The following PTK2 variants were observed in gnomAD, a reference collection of about 807,000 sequenced individuals.
PTK2 encodes focal adhesion kinase 1.
A neutral mutation model predicts 150.1 loss-of-function variants in PTK2; 45 were observed. The observed-to-expected ratio is 0.30, with a 90% CI of 0.24 to 0.38. PTK2 has a LOEUF of 0.38. Ranked by LOEUF, PTK2 falls within the 10% of genes least tolerant of loss-of-function variation. PTK2 has a pLI of 1.00. For missense variants in PTK2, 919 were observed against 1,307.3 expected (o/e 0.70, Z 4.58); for synonymous variants, 432 against 449.2 (o/e 0.96, Z 0.48).
chr8:140,712,256 T>C (rs955421236), intron 23 of PTK2, among the ~76,000 whole-genome samples: 1 of 151,802 alleles, frequency 6.6e-6, no homozygotes, highest in African/African-American at 2.4e-5. Flanking sequence ...AGGACACATG[T>C]ACATCTACAC....
chr8:140,664,748 G>A (rs2087533807), intron 31 of PTK2, among the ~76,000 whole-genome samples, 169 bp downstream of exon 35: 1 of 152,166 alleles, frequency 6.6e-6, no homozygotes, highest in Non-Finnish European at 1.5e-5. Flanking sequence ...AGAATGAACA[G>A]CCCCGTCCTG....
At chr8:140,919,224 T>A (rs533938379) in intron 2 of PTK2, among the ~76,000 whole-genome samples, 1 of 152,338 alleles carries the variant, frequency 6.6e-6, no homozygotes, top group Admixed American at 6.5e-5. Context: ...CCTTTTCCCA[T>A]CTTTTATACG....
chr8:140,997,108 G>A (rs1050628018), intron 1 of PTK2, among the ~76,000 whole-genome samples: 17 of 152,204 alleles, frequency 1.1e-4, no homozygotes, highest in Admixed American at 3.3e-4. Context: ...AGGGATTCAC[G>A]ACTTCAGTAG....
At chr8:140,735,775 A>C (rs2100052244) in intron 21 of PTK2, among the ~76,000 whole-genome samples, 1 of 152,192 alleles carries the variant, frequency 6.6e-6, no homozygotes, top group Admixed American at 6.5e-5. Flanking sequence ...TAGTTCAAAA[A>C]ATGCTGAATT....
At chr8:140,829,096 T>C (rs1347096066) in intron 8 of PTK2, among the ~76,000 whole-genome samples, 1 of 152,180 alleles carries the variant, frequency 6.6e-6, no homozygotes, top group East Asian at 1.9e-4. Context: ...TCAGGAAACT[T>C]GAATGAACAC....
At chr8:140,886,092 T>A (rs1271291739) in intron 3 of PTK2, among the ~76,000 whole-genome samples, 2 of 152,164 alleles carry the variant, frequency 1.3e-5, no homozygotes, top group Non-Finnish European at 2.9e-5. Flanking sequence ...AGGTTCTGGA[T>A]ATATTTTTGA....
At chr8:140,821,697 GA>G (rs1230073658) in intron 8 of PTK2, 1 of 152,264 alleles carries the variant, frequency 6.6e-6, no homozygotes, top group East Asian at 1.9e-4. Flanking sequence ...AGACAAAAGA[GA>G]AGGCCAAAGC....
At position 140,732,433 on chromosome 8, in the gene PTK2, T is replaced by A. The variant is rs528036715; in HGVS notation, c.2030+2818A>T. ...ATATGTATTGGATACTTTTTGGAGA[T>A]AATTTACCTCAGTGGAGCATTCCTT... On this transcript the variant is annotated intron_variant, in intron 22 of 31. Transcript: ENST00000522684. 1.1e-4 allele frequency: 45 copies of A among 424,696 alleles called. 1 individual carries two copies. The Admixed American group carries it at 1.4e-3, about 13-fold the overall frequency. 26.3% of individuals were successfully genotyped at this position (424,696 alleles called of 1,614,324 possible). A position where few individuals can be genotyped will look rare whatever the true frequency, so the allele number is the denominator to read the frequency against.
Position 140,917,085 on chromosome 8 carries a change from A to G in PTK2, c.-33+8576T>C, listed in dbSNP as rs528454531. Among the ~76,000 whole-genome samples the G allele has an allele frequency of 1.2e-4, 19 of 152,314 alleles. No homozygotes were observed. The South Asian group carries it at 3.7e-3, about 30-fold the overall frequency. The stretch of plus-strand genomic sequence containing the variant: ...CTTTTAAAATGCCATGATTTGAGGT[A>G]AAGCAGAAAGAAACTGTAAAATTGA... On this transcript the variant is annotated intron_variant, in intron 2 of 31. Coordinates refer to ENST00000522684, the Ensembl canonical transcript of PTK2.
At position 140,675,412 on chromosome 8, in the gene PTK2, T is replaced by C. The variant is rs770720273; in HGVS notation, c.2602+48A>G. ...CACTATATACATTCAAAACCTGCTT[T>C]CATCAAATTAAACTAACTTCTTTCC... On this transcript the variant is annotated intron_variant, in intron 28 of 31. Coordinates refer to ENST00000522684, the Ensembl canonical transcript of PTK2. 13 of 1,588,718 alleles carry C rather than the reference T, an allele frequency of 8.2e-6. No individual in the cohort carries two copies. In the Admixed American group the frequency reaches 2.0e-4, roughly 25 times the overall value.
intron 5 of PTK2, among the ~76,000 whole-genome samples, chr8:140,847,059 T>G (rs1447769865): frequency 6.6e-6 from 1 of 152,156 alleles, no homozygotes; most frequent in Non-Finnish European, 1.5e-5. Flanking sequence ...AAACAACGAA[T>G]AGGGTCTGAA....
At chr8:140,810,099 G>C (rs1258783441) in intron 10 of PTK2, among the ~76,000 whole-genome samples, 1 of 152,182 alleles carries the variant, frequency 6.6e-6, no homozygotes, top group Non-Finnish European at 1.5e-5. Flanking sequence ...GAATGGGTGA[G>C]TGGAACTGGC....
chr8:140,722,059 T>C (rs916980021), intron 22 of PTK2, among the ~76,000 whole-genome samples: 1 of 152,216 alleles, frequency 6.6e-6, no homozygotes, highest in African/African-American at 2.4e-5. Context: ...GGTAAATGGA[T>C]GAATAAAGCC....
At chr8:140,679,661 T>C (rs891634578) in intron 27 of PTK2, among the ~76,000 whole-genome samples, 2 of 152,148 alleles carry the variant, frequency 1.3e-5, no homozygotes, top group Non-Finnish European at 2.9e-5. Context: ...GACAACTGGG[T>C]TGTCATCACA....
At chr8:140,724,109 G>A (rs2100044456) in intron 22 of PTK2, among the ~76,000 whole-genome samples, 1 of 152,146 alleles carries the variant, frequency 6.6e-6, no homozygotes, top group South Asian at 2.1e-4. Flanking sequence ...TTTTCTTCAA[G>A]CTGTCCCAGA....
intron 26 of PTK2, among the ~76,000 whole-genome samples, chr8:140,693,804 G>A (rs1454328991): frequency 1.3e-5 from 2 of 152,154 alleles, no homozygotes; most frequent in East Asian, 3.9e-4. Flanking sequence ...ATGATGTGAT[G>A]ATGTGATCTC....
intron 16 of PTK2, among the ~76,000 whole-genome samples, chr8:140,755,217 T>C (rs1326096585): frequency 6.6e-6 from 1 of 152,184 alleles, no homozygotes; most frequent in Non-Finnish European, 1.5e-5. Context: ...CAGCAGGTGC[T>C]TGAAGGAAAG....
intron 1 of PTK2, among the ~76,000 whole-genome samples, chr8:140,990,035 A>G (rs1207961549): frequency 6.6e-6 from 1 of 152,172 alleles, no homozygotes; most frequent in African/African-American, 2.4e-5. Context: ...AGCAGAGAAG[A>G]GGAAACAGTG....
chr8:140,940,000 T>C (rs2100175092), intron 1 of PTK2, among the ~76,000 whole-genome samples: 1 of 152,210 alleles, frequency 6.6e-6, no homozygotes, highest in Non-Finnish European at 1.5e-5. Flanking sequence ...GCACGGGGCC[T>C]GGCCCACGGA....
Sources: allele counts gnomAD v4.1 joint callset (sites outside exome capture counted in the v4.1 genomes callset), GRCh38; gene constraint gnomAD v4.1.1; transcripts MANE v1.5; gene names NCBI Gene and HGNC (gene_info 2026-07-23, HGNC 2026-07-21).